Variants in SUSD6 observed in about 807,000 individuals in gnomAD.
SUSD6 encodes sushi domain-containing protein 6.
Under a neutral mutation model 28.4 loss-of-function variants are expected in SUSD6, and 16 were observed. The ratio of observed to expected loss-of-function variants is 0.56; its 90% CI spans 0.38 to 0.86. SUSD6 has a LOEUF of 0.86. SUSD6 is among the 40% of genes least tolerant of loss of function. The probability of loss-of-function intolerance (pLI) is 0.00; values close to 1 mark genes in which losing one functional copy is unlikely to be tolerated. For missense variants in SUSD6, 341 were observed against 384.2 expected (o/e 0.89, Z 0.94); for synonymous variants, 147 against 159.6 (o/e 0.92, Z 0.59).
intron 2 of SUSD6, among the ~76,000 whole-genome samples, chr14:69,684,960 A>G (rs1338569566): frequency 6.6e-6 from 1 of 152,194 alleles, no homozygotes; most frequent in Non-Finnish European, 1.5e-5. Context: ...AACTGCTCAT[A>G]CCACTCTGAG....
At chr14:69,630,636 G>A (rs986211645) in intron 1 of SUSD6, among the ~76,000 whole-genome samples, 3 of 151,728 alleles carry the variant, frequency 2.0e-5, no homozygotes, top group Non-Finnish European at 4.4e-5. Flanking sequence ...CAAAGACCCA[G>A]GCAGCGTGCT....
chr14:69,639,982 G>A (rs142225870), intron 1 of SUSD6, among the ~76,000 whole-genome samples: 2,721 of 47,906 alleles, frequency 0.057, 67 homozygotes, highest in South Asian at 0.2. Flanking sequence ...TTTTTTTTGC[G>A]GGGGGAAGTG....
chr14:69,694,300 G>A (rs1191882471), intron 2 of SUSD6, among the ~76,000 whole-genome samples: 2 of 152,242 alleles, frequency 1.3e-5, no homozygotes, highest in East Asian at 3.8e-4. Flanking sequence ...GTATGTGACA[G>A]ACCCATTACC....
chr14:69,650,457 C>A (rs569902247), intron 1 of SUSD6, among the ~76,000 whole-genome samples: 7 of 152,230 alleles, frequency 4.6e-5, no homozygotes, highest in African/African-American at 1.7e-4. Flanking sequence ...TGATACTGGC[C>A]TCCCTGAGAG....
intron 1 of SUSD6, among the ~76,000 whole-genome samples, chr14:69,646,028 G>A (rs1885421134): frequency 1.3e-5 from 2 of 152,288 alleles, no homozygotes; most frequent in South Asian, 4.1e-4. Context: ...GGGATTACAA[G>A]CGTGAGCCAC....
chr14:69,662,157 C>T (rs1194113401), intron 2 of SUSD6, among the ~76,000 whole-genome samples: 9 of 152,088 alleles, frequency 5.9e-5, no homozygotes, highest in Admixed American at 5.9e-4. Context: ...TAAGTGGGTG[C>T]TTGTAAAATA....
At chr14:69,664,866 A>C (rs1485005458) in intron 2 of SUSD6, among the ~76,000 whole-genome samples, 1 of 152,198 alleles carries the variant, frequency 6.6e-6, no homozygotes, top group Non-Finnish European at 1.5e-5. Context: ...AACAAAAATT[A>C]GGGTTAACAC....
chr14:69,697,814 A>C (rs917309858), intron 2 of SUSD6, among the ~76,000 whole-genome samples: 1 of 152,216 alleles, frequency 6.6e-6, no homozygotes, highest in South Asian at 2.1e-4. Flanking sequence ...AGAAAAGCTC[A>C]TATTTGAGCA....
At chr14:69,674,083 G>A (rs548433224) in intron 2 of SUSD6, among the ~76,000 whole-genome samples, 3 of 152,314 alleles carry the variant, frequency 2.0e-5, no homozygotes, top group Non-Finnish European at 4.4e-5. Context: ...GAATTGGAGA[G>A]AATAACTTTT....
At chr14:69,650,601 T>TA (rs1236809094) in intron 1 of SUSD6, among the ~76,000 whole-genome samples, 3 of 152,194 alleles carry the variant, frequency 2.0e-5, no homozygotes, top group East Asian at 1.9e-4. Flanking sequence ...GTCAGGAACT[T>TA]ACGACAGGCT....
intron 1 of SUSD6, among the ~76,000 whole-genome samples, chr14:69,618,298 A>C (rs1434327341): frequency 1.3e-5 from 2 of 152,264 alleles, no homozygotes; most frequent in Non-Finnish European, 2.9e-5. Context: ...TTTTATGTTT[A>C]GACCAGGGTC....
intron 2 of SUSD6, among the ~76,000 whole-genome samples, chr14:69,695,887 C>A (rs929817699): frequency 6.6e-6 from 1 of 152,206 alleles, no homozygotes; most frequent in Non-Finnish European, 1.5e-5. Flanking sequence ...ACCTTTTGAC[C>A]ATATCAGATG....
At chr14:69,696,083 TG>T (rs1886220885) in intron 2 of SUSD6, among the ~76,000 whole-genome samples, 1 of 152,214 alleles carries the variant, frequency 6.6e-6, no homozygotes, top group Non-Finnish European at 1.5e-5. Flanking sequence ...GCACATCAAA[TG>T]GGGAAATGAG....
chr14:69,676,023 T>G (rs192681855), intron 2 of SUSD6, among the ~76,000 whole-genome samples: 69 of 152,356 alleles, frequency 4.5e-4, no homozygotes, highest in Admixed American at 1.2e-3. Flanking sequence ...GAACCTATTA[T>G]GTATGCATTG....
chr14:69,700,964 G>C (rs1886304998), intron 2 of SUSD6, among the ~76,000 whole-genome samples: 1 of 152,080 alleles, frequency 6.6e-6, no homozygotes, highest in South Asian at 2.1e-4. Context: ...AGAAAATACT[G>C]GAGAGTATGT....
intron 1 of SUSD6, among the ~76,000 whole-genome samples, chr14:69,620,768 TA>T (rs1885024880): frequency 1.3e-5 from 2 of 152,250 alleles, no homozygotes; most frequent in Non-Finnish European, 2.9e-5. Flanking sequence ...TTTCTTGCTT[TA>T]TTTAATCAAC....
At chr14:69,644,465 C>T (rs1885397952) in intron 1 of SUSD6, among the ~76,000 whole-genome samples, 1 of 152,072 alleles carries the variant, frequency 6.6e-6, no homozygotes, top group Non-Finnish European at 1.5e-5. Context: ...TCCTGGCCAA[C>T]ATGGTGAAAC....
intron 1 of SUSD6, among the ~76,000 whole-genome samples, chr14:69,641,790 A>AGG (rs367828111): frequency 6.6e-6 from 1 of 150,732 alleles, no homozygotes; most frequent in Non-Finnish European, 1.5e-5. Context: ...TGTAGAGAGG[A>AGG]GGGGGGGTCT....
chr14:69,639,862 G>A (rs1260696526), intron 1 of SUSD6, among the ~76,000 whole-genome samples: 1 of 151,980 alleles, frequency 6.6e-6, no homozygotes. Context: ...ATTGCCAAAT[G>A]GGGGAGGTGG....
Sources: allele counts gnomAD v4.1 joint callset (sites outside exome capture counted in the v4.1 genomes callset), GRCh38; gene constraint gnomAD v4.1.1; transcripts MANE v1.5; gene names NCBI Gene and HGNC (gene_info 2026-07-23, HGNC 2026-07-21).